The following CDK8 variants were observed in gnomAD, a reference collection of about 807,000 sequenced individuals.
CDK8 encodes cyclin dependent kinase 8.
In CDK8, 29 loss-of-function variants were observed where a neutral mutation model predicts 71.5. The observed-to-expected ratio is 0.41, with a 90% CI of 0.30 to 0.55. The LOEUF (loss-of-function observed/expected upper bound fraction) is 0.55, where lower values mean the gene tolerates loss of function less well. Among genes scored for constraint, CDK8 ranks in the 20% least tolerant of loss-of-function variants. CDK8 has a pLI of 0.37. For missense variants in CDK8, 288 were observed against 572.6 expected, an observed-to-expected ratio of 0.50 and a Z score of 5.07; for synonymous variants, 161 against 192.1, an observed-to-expected ratio of 0.84 and a Z score of 1.34.
intron 2 of CDK8, among the ~76,000 whole-genome samples, chr13:26,342,849 A>G (rs1255006821): frequency 6.6e-6 from 1 of 152,222 alleles, no homozygotes; most frequent in Non-Finnish European, 1.5e-5. Context: ...CTTAAACAGC[A>G]GAAGTTTGTT....
chr13:26,347,072 T>C (rs553451668), intron 2 of CDK8, among the ~76,000 whole-genome samples: 1 of 152,310 alleles, frequency 6.6e-6, no homozygotes, highest in Non-Finnish European at 1.5e-5. Flanking sequence ...GGCTTTTTCT[T>C]GTTGTTGCAG....
At chr13:26,373,852 A>T (rs1459610168) in intron 4 of CDK8, among the ~76,000 whole-genome samples, 1 of 151,992 alleles carries the variant, frequency 6.6e-6, no homozygotes, top group East Asian at 1.9e-4. Context: ...GAAAAGAGAT[A>T]GTGTGTGTTT....
At chr13:26,323,454 C>T (rs938958036) in intron 1 of CDK8, among the ~76,000 whole-genome samples, 2 of 152,014 alleles carry the variant, frequency 1.3e-5, no homozygotes, top group South Asian at 2.1e-4. Flanking sequence ...ATGAACTCAT[C>T]GAAACCTAAT....
rs572660815 is a variant in CDK8 at position 26,381,463 on chromosome 13, G to A, written c.457-1351G>A. ...GTGGTTAGAAGTGCGTGTGTGTGTGGTAGTGATAGAGGTTCTGAGATTTTT... is the reference window on the plus strand; with the variant it reads ...GTGGTTAGAAGTGCGTGTGTGTGTGATAGTGATAGAGGTTCTGAGATTTTT... On this transcript the variant is annotated intron_variant, in intron 4 of 12. Coordinates refer to ENST00000381527, the MANE Select transcript of CDK8 (RefSeq NM_001260.3). Among the ~76,000 whole-genome samples the A allele has an allele frequency of 1.7e-4, 26 of 152,186 alleles. No individual in the cohort carries two copies. In the South Asian group the frequency reaches 5.4e-3, roughly 32 times the overall value.
At chr13:26,315,631 C>A (rs1005508901) in intron 1 of CDK8, among the ~76,000 whole-genome samples, 1 of 152,208 alleles carries the variant, frequency 6.6e-6, no homozygotes, top group Non-Finnish European at 1.5e-5. Context: ...TCTGTGGAAC[C>A]AATTTAGCAT....
chr13:26,375,970 CT>C (rs1455754823), intron 4 of CDK8, among the ~76,000 whole-genome samples: 1 of 152,076 alleles, frequency 6.6e-6, no homozygotes, highest in East Asian at 1.9e-4. Flanking sequence ...GTTAGGGTTA[CT>C]GCCAAAAAAG....
chr13:26,335,949 ACAACAG>A (rs938209797), intron 1 of CDK8, among the ~76,000 whole-genome samples: 9 of 141,412 alleles, frequency 6.4e-5, no homozygotes, highest in African/African-American at 2.1e-4. Context: ...AACAACAACA[ACAACAG>A]ACCTTTAAAG....
intron 1 of CDK8, among the ~76,000 whole-genome samples, chr13:26,332,594 C>T (rs1308314112): frequency 6.6e-6 from 1 of 152,054 alleles, no homozygotes; most frequent in African/African-American, 2.4e-5. Context: ...ATCGCTCTAC[C>T]TAGGACTTCC....
intron 3 of CDK8, among the ~76,000 whole-genome samples, chr13:26,350,472 A>C (rs962684384): frequency 6.6e-6 from 1 of 151,288 alleles, no homozygotes; most frequent in African/African-American, 2.5e-5. Context: ...CTGTCTCTGC[A>C]AAAAATAAAA....
intron 1 of CDK8, among the ~76,000 whole-genome samples, chr13:26,313,347 T>C (rs1483041248): frequency 1.3e-5 from 2 of 152,178 alleles, no homozygotes; most frequent in African/African-American, 4.8e-5. Flanking sequence ...GGAAAAGAGA[T>C]GAAGAATTGA....
At chr13:26,392,477 G>T (rs1875797789) in intron 6 of CDK8, among the ~76,000 whole-genome samples, 1 of 151,872 alleles carries the variant, frequency 6.6e-6, no homozygotes, top group Non-Finnish European at 1.5e-5. Context: ...ATAGCCGCGT[G>T]CCGCCATGCC....
intron 1 of CDK8, among the ~76,000 whole-genome samples, chr13:26,267,527 T>C (rs1211970311): frequency 6.6e-6 from 1 of 152,200 alleles, no homozygotes; most frequent in Non-Finnish European, 1.5e-5. Context: ...CTTCAAAATT[T>C]ACTTTAGTAC....
At chr13:26,353,597 A>G (rs1193230042) in intron 3 of CDK8, 143 bp from the exon 4 acceptor site, 2 of 648,380 alleles carry the variant, frequency 3.1e-6, no homozygotes, top group African/African-American at 3.7e-5. Context: ...AAAGTTGTTT[A>G]TGTTATTCAG....
At chr13:26,342,250 C>G (rs532872034) in intron 2 of CDK8, among the ~76,000 whole-genome samples, 10 of 152,090 alleles carry the variant, frequency 6.6e-5, no homozygotes, top group Non-Finnish European at 1.0e-4. Flanking sequence ...TTCGAAAAGG[C>G]AAAAAGTAAC....
chr13:26,266,663 A>C (rs910725104), intron 1 of CDK8, among the ~76,000 whole-genome samples: 2 of 152,210 alleles, frequency 1.3e-5, no homozygotes, highest in African/African-American at 4.8e-5. Context: ...TGGATACCAA[A>C]GCTTAAGTCA....
chr13:26,310,971 C>T (rs940330809), intron 1 of CDK8, among the ~76,000 whole-genome samples: 6 of 151,758 alleles, frequency 4.0e-5, no homozygotes, highest in Middle Eastern at 3.2e-3. Flanking sequence ...CACAACATCA[C>T]TTCTCATCAT....
At chr13:26,357,864 T>C (rs182750572) in intron 4 of CDK8, among the ~76,000 whole-genome samples, 1 of 152,234 alleles carries the variant, frequency 6.6e-6, no homozygotes, top group Non-Finnish European at 1.5e-5. Flanking sequence ...GGCATATCCA[T>C]GTTAAGGATA....
At chr13:26,296,284 A>G (rs1334218889) in intron 1 of CDK8, among the ~76,000 whole-genome samples, 1 of 152,060 alleles carries the variant, frequency 6.6e-6, no homozygotes, top group Non-Finnish European at 1.5e-5. Flanking sequence ...ATTTAAAGTG[A>G]CTCTTCTGAA....
chr13:26,358,216 G>A (rs1323484640), intron 4 of CDK8, among the ~76,000 whole-genome samples: 1 of 152,048 alleles, frequency 6.6e-6, no homozygotes, highest in Non-Finnish European at 1.5e-5. Context: ...GGAGAATGGT[G>A]TGAACCCAGG....
Sources: gnomAD v4.1 joint callset for allele counts (sites outside exome capture counted in the v4.1 genomes callset) on GRCh38, gnomAD v4.1.1 for gene constraint, MANE v1.5 for transcripts, NCBI Gene and HGNC (gene_info 2026-07-23, HGNC 2026-07-21) for gene names.